SARNP: variants seen among roughly 807,000 people sequenced by gnomAD.
SARNP encodes the protein SAP domain containing ribonucleoprotein, also known as SAP domain-containing ribonucleoprotein.
Under a neutral mutation model 38.1 loss-of-function variants are expected in SARNP, and 5 were observed. That is an observed-to-expected ratio of 0.13 (90% confidence interval 0.07 to 0.28). The LOEUF (loss-of-function observed/expected upper bound fraction) is 0.28, where lower values mean the gene tolerates loss of function less well. Ranked by LOEUF, SARNP falls within the 10% of genes least tolerant of loss-of-function variation. SARNP has a pLI of 1.00. For missense variants in SARNP, 180 were observed against 243.9 expected (o/e 0.74, Z 1.75); for synonymous variants, 84 against 80.6 (o/e 1.04, Z -0.23).
chr12:55,806,608 A>G (rs983887668), intron 1 of SARNP, among the ~76,000 whole-genome samples: 5 of 151,758 alleles, frequency 3.3e-5, no homozygotes, highest in African/African-American at 1.2e-4. Flanking sequence ...GTCTCGCTCT[A>G]TCACCCATGC....
At chr12:55,760,691 A>T in intron 9 of SARNP, 51 bp from the exon 10 acceptor site, 1 of 1,199,788 alleles carries the variant, frequency 8.3e-7, no homozygotes, top group Non-Finnish European at 1.2e-6. Context: ...CCATTCACCA[A>T]GTAAATGGGA....
chr12:55,804,624 T>C (rs1156506952), intron 1 of SARNP, among the ~76,000 whole-genome samples: 3 of 152,166 alleles, frequency 2.0e-5, no homozygotes, highest in Non-Finnish European at 2.9e-5. Context: ...TATGATTTGC[T>C]ACCTATAAGT....
chr12:55,799,776 A>T, intron 4 of SARNP, among the ~76,000 whole-genome samples: 1 of 148,056 alleles, frequency 6.8e-6, no homozygotes, highest in South Asian at 2.2e-4. Flanking sequence ...CTGGTCTTGA[A>T]CTCCTGACCT....
chr12:55,813,949 G>C (rs1260483304), intron 1 of SARNP, among the ~76,000 whole-genome samples: 2 of 152,152 alleles, frequency 1.3e-5, no homozygotes, highest in Non-Finnish European at 2.9e-5. Context: ...GGATAATACA[G>C]GTATTTACCT....
intron 9 of SARNP, among the ~76,000 whole-genome samples, chr12:55,773,919 G>A (rs1336489438): frequency 1.3e-5 from 2 of 152,066 alleles, no homozygotes; most frequent in African/African-American, 2.4e-5. Context: ...TGTTGGCCAG[G>A]CTGGTCCCGA....
intron 9 of SARNP, among the ~76,000 whole-genome samples, chr12:55,788,749 G>A (rs758438504): frequency 2.0e-5 from 3 of 152,090 alleles, no homozygotes; most frequent in African/African-American, 4.8e-5. Flanking sequence ...GCAGTGAGCC[G>A]TGATCGCACC....
intron 7 of SARNP, among the ~76,000 whole-genome samples, chr12:55,791,219 G>A (rs911228853): frequency 2.0e-5 from 3 of 152,184 alleles, no homozygotes; most frequent in Non-Finnish European, 4.4e-5. Context: ...AATGGGCACA[G>A]ACTTTCTTTT....
chr12:55,776,130 G>C (rs1341678385), intron 9 of SARNP, among the ~76,000 whole-genome samples: 2 of 152,106 alleles, frequency 1.3e-5, no homozygotes, highest in Non-Finnish European at 2.9e-5. Flanking sequence ...CAAAATCTGT[G>C]GGTGCTCAAG....
Position 55,796,054 on chromosome 12 carries a change from T to C in SARNP, c.274A>G (p.Lys92Glu), listed in dbSNP as rs755903308. ...VDVAAEKKVV[K>E]ITSEIPQTER... ...GTCTGTGGTATTTCAGATGTAATTT[T>C]CACCACTTTCTTCTCTGCTGCCCTA... is the stretch of plus-strand genomic sequence containing the variant. The change falls in exon 5 of 11, where the codon AAA (lysine) becomes GAA (glutamate). Residue 92 changes from lysine to glutamate, a missense_variant. By Grantham distance (56) the Lys-to-Glu change is moderately conservative (BLOSUM62 1). This residue lies in a region of SARNP where 161 missense variants were observed against 194.1 expected (regional missense o/e 0.83). Coordinates refer to ENST00000336133, the MANE Select transcript of SARNP (RefSeq NM_033082.4). 1.2e-6 allele frequency: 2 copies of C among 1,611,058 alleles called. No individual in the cohort carries two copies. The highest frequency in any genetic ancestry group is 1.1e-5 in the South Asian group (1 of 90,966).
chr12:55,769,781 T>G (rs1238774935), intron 9 of SARNP, among the ~76,000 whole-genome samples: 1 of 152,282 alleles, frequency 6.6e-6, no homozygotes, highest in Non-Finnish European at 1.5e-5. Context: ...TTACATGAGA[T>G]AATCAACACT....
At chr12:55,758,596 G>C (rs1373398463) in intron 10 of SARNP, among the ~76,000 whole-genome samples, 1 of 151,934 alleles carries the variant, frequency 6.6e-6, no homozygotes, top group African/African-American at 2.4e-5. Context: ...AGTGAGCTGA[G>C]ATCGCACCAC....
At chr12:55,775,319 G>A (rs1393232448) in intron 9 of SARNP, among the ~76,000 whole-genome samples, 1 of 149,762 alleles carries the variant, frequency 6.7e-6, no homozygotes, top group Non-Finnish European at 1.5e-5. Flanking sequence ...CAGCACTTTA[G>A]GAGGCTGAGG....
intron 9 of SARNP, among the ~76,000 whole-genome samples, chr12:55,778,658 A>C (rs987747100): frequency 6.6e-6 from 1 of 152,170 alleles, no homozygotes; most frequent in African/African-American, 2.4e-5. Flanking sequence ...GGAGTGGTTA[A>C]ATATTTGTTT....
chr12:55,770,227 AT>A (rs758062236), intron 9 of SARNP, among the ~76,000 whole-genome samples: 3,678 of 142,544 alleles, frequency 0.026, 45 homozygotes, highest in Middle Eastern at 0.048. Flanking sequence ...TATAACTAGA[AT>A]TTTTTTTTTT....
chr12:55,816,052 T>C (rs1880473083), intron 1 of SARNP: 1 of 152,200 alleles, frequency 6.6e-6, no homozygotes, highest in Admixed American at 6.5e-5. Flanking sequence ...TCAGAGGACT[T>C]TACGTAAAAG....
intron 1 of SARNP, among the ~76,000 whole-genome samples, chr12:55,812,284 CT>C (rs1880350365): frequency 6.6e-6 from 1 of 152,210 alleles, no homozygotes; most frequent in Non-Finnish European, 1.5e-5. Context: ...TTACAATACC[CT>C]TCCCATTGTA....
intron 1 of SARNP, among the ~76,000 whole-genome samples, chr12:55,813,539 ATTT>A (rs11412761): frequency 9.3e-6 from 1 of 108,086 alleles, no homozygotes; most frequent in African/African-American, 3.8e-5. Context: ...GCTGCCTGGA[ATTT>A]TTTTTTTTTT....
At chr12:55,759,711 G>A (rs546199121) in intron 10 of SARNP, among the ~76,000 whole-genome samples, 303 of 152,224 alleles carry the variant, frequency 2.0e-3, no homozygotes, top group South Asian at 3.3e-3. Context: ...AAAGTGCTAG[G>A]ATTATAGGCG....
At chr12:55,775,241 TAA>T (rs375018386) in intron 9 of SARNP, among the ~76,000 whole-genome samples, 7 of 118,560 alleles carry the variant, frequency 5.9e-5, no homozygotes, top group Non-Finnish European at 1.3e-4. Context: ...AGGTTAAAAT[TAA>T]AAAAAAAAAA....
Sources: gnomAD v4.1 joint callset for allele counts (sites outside exome capture counted in the v4.1 genomes callset) on GRCh38, gnomAD v4.1.1 for gene constraint, gnomAD v4.1.1 regional missense constraint, MANE v1.5 for transcripts, NCBI Gene and HGNC (gene_info 2026-07-23, HGNC 2026-07-21) for gene names.